Variants in USP40 observed in about 807,000 individuals in gnomAD.
USP40 encodes the protein ubiquitin specific peptidase 40, also known as ubiquitin carboxyl-terminal hydrolase 40.
Under a neutral mutation model 166.2 loss-of-function variants are expected in USP40, and 143 were observed. The ratio of observed to expected loss-of-function variants is 0.86; its 90% CI spans 0.75 to 0.99. The LOEUF is 0.99. USP40 is among the 50% of genes least tolerant of loss of function. The pLI, the probability that USP40 is intolerant of heterozygous loss-of-function variation, is 0.00. For missense variants in USP40, 1,444 were observed against 1,479.7 expected, an observed-to-expected ratio of 0.98 and a Z score of 0.40; for synonymous variants, 498 against 524.0, an observed-to-expected ratio of 0.95 and a Z score of 0.68.
Position 233,480,819 on chromosome 2 carries a change from G to A in USP40, c.3599+384C>T, listed in dbSNP as rs1052079219. Among the ~76,000 whole-genome samples the A allele has an allele frequency of 2.6e-5, 4 of 152,190 alleles. No homozygotes were observed. Among genetic ancestry groups the A allele is most frequent in the African/African-American group, 7.2e-5 (3 of 41,434 alleles). On this transcript the variant is annotated intron_variant, in intron 31 of 31. Coordinates refer to ENST00000678225, the MANE Select transcript of USP40 (RefSeq NM_001365479.2). This position sits in a 1 kb window ranked among gnomAD's most constrained non-coding sequence, Gnocchi z 4.5. ...AGAGCGGGAGAAGGACAGGGAGCCC[G>A]CAGCAGGGCTGAGGTGGCAGCAAGA...
intron 27 of USP40, among the ~76,000 whole-genome samples, chr2:233,488,903 T>C (rs541289976): frequency 1.3e-4 from 20 of 151,412 alleles, no homozygotes; most frequent in African/African-American, 4.4e-4. Flanking sequence ...CCAGACCCTG[T>C]CTATTAAGAA....
intron 4 of USP40, among the ~76,000 whole-genome samples, chr2:233,558,382 A>C (rs796621719): frequency 6.6e-6 from 1 of 152,148 alleles, no homozygotes; most frequent in Non-Finnish European, 1.5e-5. Flanking sequence ...AAAAAAAAAA[A>C]ACAAAAAACA....
At position 233,498,952 on chromosome 2, in the gene USP40, T is replaced by G. The variant is rs190270823; in HGVS notation, c.2651-340A>C. 3.8e-3 allele frequency among the ~76,000 whole-genome samples: 571 copies of G among 152,250 alleles called. 1 individual carries two copies. The highest frequency in any genetic ancestry group is 6.8e-3 in the Middle Eastern group (2 of 294). On this transcript the variant is annotated intron_variant, in intron 22 of 31. Transcript: ENST00000678225. ...TTGGAATCAATAAAATTGAAAGGAATCAGTGGAAGACCTGCGTGGCTCCAG... is the reference window on the plus strand; with the variant it reads ...TTGGAATCAATAAAATTGAAAGGAAGCAGTGGAAGACCTGCGTGGCTCCAG...
At chr2:233,482,582 GTTTTTTTTTTTTGTT>G (rs2064689723) in intron 30 of USP40, among the ~76,000 whole-genome samples, 1 of 137,016 alleles carries the variant, frequency 7.3e-6, no homozygotes, top group African/African-American at 2.8e-5. Context: ...TCCCACTGGA[GTTTTTTTTTTTTGTT>G]TTTTTTTTTT....
intron 6 of USP40, among the ~76,000 whole-genome samples, chr2:233,553,298 T>C (rs1029369111): frequency 6.6e-6 from 1 of 152,068 alleles, no homozygotes; most frequent in Non-Finnish European, 1.5e-5. Flanking sequence ...TCACAGAGAA[T>C]TGTGAAAAGG....
At chr2:233,500,029 T>G (rs544853664) in intron 21 of USP40, 114 bp from the exon 22 acceptor site, 1 of 810,978 alleles carries the variant, frequency 1.2e-6, no homozygotes. Flanking sequence ...TTAATGATTC[T>G]TGAATAGGCA....
intron 30 of USP40, among the ~76,000 whole-genome samples, chr2:233,484,565 C>T (rs1559212442): frequency 6.6e-6 from 1 of 151,892 alleles, no homozygotes; most frequent in African/African-American, 2.4e-5. Flanking sequence ...CAACATCCAC[C>T]TCCCTAGCTC....
intron 18 of USP40, among the ~76,000 whole-genome samples, chr2:233,517,405 G>GTTTTTTTT (rs2067291360): frequency 7.7e-6 from 1 of 130,218 alleles, no homozygotes; most frequent in African/African-American, 2.9e-5. Context: ...TTTTTTTTGA[G>GTTTTTTTT]ACGGAGTCTC....
intron 18 of USP40, among the ~76,000 whole-genome samples, chr2:233,516,497 A>C (rs1008640809): frequency 2.6e-5 from 4 of 152,112 alleles, no homozygotes; most frequent in Non-Finnish European, 4.4e-5. Context: ...GCAGATCAAG[A>C]CCATCCTGGC....
chr2:233,491,760 A>C (rs957654626), intron 25 of USP40, among the ~76,000 whole-genome samples: 1 of 152,198 alleles, frequency 6.6e-6, no homozygotes, highest in African/African-American at 2.4e-5. Context: ...TAAATGCCCA[A>C]TAAATGTTTA....
At position 233,477,145 on chromosome 2, in the gene USP40, A is replaced by C; in HGVS notation, c.*247T>G. ...GCTGGGGCCGGGTGCTGTGTGAGAG[A>C]GCCCAGCACCTACTGGCAGCTGGGT... On this transcript the variant is annotated 3_prime_UTR_variant, in exon 32 of 32. Transcript: ENST00000678225. The C allele has an allele frequency of 2.0e-6, 1 of 512,414 alleles. No homozygotes were observed. The highest frequency in any genetic ancestry group is 3.5e-5 in the East Asian group (1 of 28,744). 31.7% of individuals were successfully genotyped at this position (512,414 alleles called of 1,614,324 possible). A position where few individuals can be genotyped will look rare whatever the true frequency, so the allele number is the denominator to read the frequency against.
At chr2:233,494,933 T>C (rs1575232614) in intron 24 of USP40, among the ~76,000 whole-genome samples, 1 of 42,538 alleles carries the variant, frequency 2.4e-5, no homozygotes, top group Non-Finnish European at 4.1e-5. Context: ...TATATATATA[T>C]ATATATATAT....
chr2:233,529,486 G>A lies in USP40; in HGVS notation c.1498C>T (p.Pro500Ser). 6.3e-7 allele frequency: 1 copy of A among 1,585,394 alleles called. No individual in the cohort carries two copies. The highest frequency in any genetic ancestry group is 8.6e-7 in the Non-Finnish European group (1 of 1,164,156). The change falls in exon 12 of 32, where the codon CCA (proline) becomes TCA (serine). Residue 500 changes from proline to serine, a missense_variant. By Grantham distance (74) the Pro-to-Ser change is moderately conservative (BLOSUM62 -1). Transcript: ENST00000678225. Reference protein sequence around the residue: ...EARANPRYGVPCHLLNEMDAA... With the variant: ...EARANPRYGVSCHLLNEMDAA... ...TCCATTTCATTCAGTAAATGACATGGAACCCCATATCTTGGATTAGCTCGA... is the reference window on the plus strand; with the variant it reads ...TCCATTTCATTCAGTAAATGACATGAAACCCCATATCTTGGATTAGCTCGA...
intron 21 of USP40, among the ~76,000 whole-genome samples, chr2:233,505,925 A>G (rs2066387899): frequency 6.6e-6 from 1 of 152,184 alleles, no homozygotes. Flanking sequence ...TCAACAAGGT[A>G]TTAGCAAACT....
In USP40 at chr2:233,551,500, A is replaced by T. The variant is rs1461498341; in HGVS notation, c.713T>A (p.Leu238Gln). Residue 238 changes from leucine (L) to glutamine (Q), a missense_variant, in exon 7 of 32, where the codon CTG (leucine) becomes CAG (glutamine). Coordinates refer to ENST00000678225, the MANE Select transcript of USP40 (RefSeq NM_001365479.2). ...TAATGAAACAGTAAGAAAAGGAGGC[A>T]GCTTACGTAATTTGGCCGACTGTTA... ...KAAKSAKLRK[L>Q]PPFLTVSLLR... 2.5e-6 allele frequency: 4 copies of T among 1,597,968 alleles called. No homozygotes were observed. Among genetic ancestry groups the T allele is most frequent in the Non-Finnish European group, 3.4e-6 (4 of 1,174,618 alleles).
chr2:233,561,091 C>G, intron 3 of USP40: 1 of 1,486,424 alleles, frequency 6.7e-7, no homozygotes, highest in Non-Finnish European at 9.2e-7. Flanking sequence ...GAACAAGCCA[C>G]TTAATTCCTT....
In USP40 at chr2:233,558,826, G is replaced by T. The variant is rs150733643; in HGVS notation, c.381+985C>A. 5.6e-3 allele frequency among the ~76,000 whole-genome samples: 857 copies of T among 152,030 alleles called. 9 individuals carry two copies. The highest frequency in any genetic ancestry group is 0.021 in the Admixed American group (320 of 15,266). Reference sequence around the variant, plus strand: ...TGTTTTTGTTGTTAATCGGATTAACGCCAAATACCAGCCCTACACCAGAAA... The same window carrying T: ...TGTTTTTGTTGTTAATCGGATTAACTCCAAATACCAGCCCTACACCAGAAA... On this transcript the variant is annotated intron_variant, in intron 4 of 31. Coordinates refer to ENST00000678225, the MANE Select transcript of USP40 (RefSeq NM_001365479.2).
Position 233,510,058 on chromosome 2 carries a change from A to C in USP40, c.2604T>G (p.Ser868=), listed in dbSNP as rs942614717. 1.3e-6 allele frequency: 2 copies of C among 1,589,706 alleles called. No homozygotes were observed. The highest frequency in any genetic ancestry group is 1.7e-5 in the Admixed American group (1 of 57,242). ...AGGTAAAATTACTTACATCTCTCACAGATATTGTTTCTTCTACTACGATTT... is the reference window on the plus strand; with the variant it reads ...AGGTAAAATTACTTACATCTCTCACCGATATTGTTTCTTCTACTACGATTT... ...EMEIVVEETI[S]VRDCLKLMLK... is the part of the protein sequence containing the mutation. The change falls in exon 21 of 32, where the codon TCT becomes TCG. Residue 868 remains serine, a synonymous_variant. Coordinates refer to ENST00000678225, the MANE Select transcript of USP40 (RefSeq NM_001365479.2).
chr2:233,525,395 G>A (rs762656296), intron 14 of USP40, 83 bp downstream of exon 14: 11 of 985,762 alleles, frequency 1.1e-5, no homozygotes, highest in Non-Finnish European at 1.7e-5. Context: ...GGGAAGGACT[G>A]ACAAAGAGTA....
Sources: allele counts gnomAD v4.1 joint callset (sites outside exome capture counted in the v4.1 genomes callset), GRCh38; gene constraint gnomAD v4.1.1; non-coding constraint Gnocchi (gnomAD v3.1); transcripts MANE v1.5; gene names NCBI Gene and HGNC (gene_info 2026-07-23, HGNC 2026-07-21).